The following PSMG2 variants were observed in gnomAD, a reference collection of about 807,000 sequenced individuals.
The protein encoded by PSMG2 is proteasome assembly chaperone 2.
Under a neutral mutation model 31.5 loss-of-function variants are expected in PSMG2, and 21 were observed. The ratio of observed to expected loss-of-function variants is 0.67; its 90% CI spans 0.47 to 0.96. PSMG2 has a LOEUF of 0.96. Ranked by LOEUF, PSMG2 falls within the 40% of genes least tolerant of loss-of-function variation. The probability of loss-of-function intolerance (pLI) is 0.00; values close to 1 mark genes in which losing one functional copy is unlikely to be tolerated. For synonymous variants in PSMG2, 120 were observed against 110.4 expected, an observed-to-expected ratio of 1.09 and a Z score of -0.54; for missense variants, 318 against 321.2, an observed-to-expected ratio of 0.99 and a Z score of 0.08.
intron 2 of PSMG2, 109 bp downstream of exon 2, chr18:12,706,830 C>T: frequency 8.6e-7 from 1 of 1,165,796 alleles, no homozygotes; most frequent in Non-Finnish European, 1.2e-6. Flanking sequence ...TTAGTGCCAA[C>T]TTTGTGTAGA....
chr18:12,693,204 G>T (rs945517042), intron 1 of PSMG2, among the ~76,000 whole-genome samples: 3 of 152,108 alleles, frequency 2.0e-5, no homozygotes, highest in Admixed American at 2.0e-4. Context: ...TTAGTCACTA[G>T]AAATTATAAA....
At chr18:12,693,194 T>G (rs529599254) in intron 1 of PSMG2, among the ~76,000 whole-genome samples, 1 of 152,282 alleles carries the variant, frequency 6.6e-6, no homozygotes, top group South Asian at 2.1e-4. Context: ...AACTTATGTT[T>G]TAGTCACTAG....
At chr18:12,689,764 TTA>T (rs146278847) in intron 1 of PSMG2, among the ~76,000 whole-genome samples, 5 of 150,758 alleles carry the variant, frequency 3.3e-5, no homozygotes, top group African/African-American at 7.3e-5. Flanking sequence ...GGGAGCCAGT[TTA>T]TATATATATA....
chr18:12,696,736 G>A (rs1241875864), intron 1 of PSMG2, among the ~76,000 whole-genome samples: 1 of 152,020 alleles, frequency 6.6e-6, no homozygotes, highest in African/African-American at 2.4e-5. Context: ...TGCCCTCAAG[G>A]ACTAGTTGAT....
intron 1 of PSMG2, chr18:12,661,318 G>GA (rs965185754): frequency 1.5e-5 from 15 of 972,938 alleles, no homozygotes; most frequent in Non-Finnish European, 1.8e-5. Context: ...CAAAAAAGAA[G>GA]AAAAAAAATT....
chr18:12,725,363 G>T, intron 6 of PSMG2, 76 bp from the exon 7 acceptor site: 1 of 1,168,438 alleles, frequency 8.6e-7, no homozygotes. Context: ...CACAAAAGGA[G>T]AGTTTTATAA....
chr18:12,714,302 C>T (rs983945759), intron 3 of PSMG2, among the ~76,000 whole-genome samples: 8 of 152,166 alleles, frequency 5.3e-5, no homozygotes, highest in African/African-American at 1.4e-4. Flanking sequence ...TGCTGCTTTG[C>T]AGAGCCTAAC....
intron 1 of PSMG2, among the ~76,000 whole-genome samples, chr18:12,703,937 C>T (rs1448622809): frequency 1.3e-5 from 2 of 152,094 alleles, no homozygotes; most frequent in African/African-American, 4.8e-5. Context: ...TTTGGAATGA[C>T]ACATTGAGAG....
chr18:12,713,579 G>A (rs1181957087), intron 3 of PSMG2, among the ~76,000 whole-genome samples: 5 of 152,134 alleles, frequency 3.3e-5, no homozygotes, highest in African/African-American at 1.2e-4. Flanking sequence ...GCCAATTCAG[G>A]GGAATGAGTA....
chr18:12,710,806 AAG>A (rs1176866540), intron 2 of PSMG2, among the ~76,000 whole-genome samples: 1 of 152,196 alleles, frequency 6.6e-6, no homozygotes. Flanking sequence ...TAACAACAAA[AAG>A]AATTGCATAG....
At chr18:12,720,940 C>T (rs1033579359) in intron 5 of PSMG2, among the ~76,000 whole-genome samples, 19 of 152,032 alleles carry the variant, frequency 1.2e-4, no homozygotes, top group African/African-American at 2.4e-5. Context: ...CCGAGGCAGG[C>T]GGATCACGAG....
upstream of PSMG2, chr18:12,700,893 T>C (rs1239562632): frequency 1.5e-6 from 2 of 1,342,888 alleles, no homozygotes; most frequent in Non-Finnish European, 2.1e-6. Flanking sequence ...CGGAACCTTA[T>C]AAGTAGTGTT....
rs2040457935 is a variant in PSMG2 at position 12,724,524 on chromosome 18, G to A, written c.607G>A (p.Val203Ile). The A allele has an allele frequency of 1.2e-6, 2 of 1,605,900 alleles. No individual in the cohort carries two copies. Among genetic ancestry groups the A allele is most frequent in the Admixed American group, 3.4e-5 (2 of 58,372 alleles). The change falls in exon 6 of 7, where the codon GTT (valine) becomes ATT (isoleucine). Residue 203 changes from valine (V) to isoleucine (I), a missense_variant. Physicochemically the swap from Val to Ile is conservative, Grantham distance 29. Transcript: ENST00000317615. ...ESCSKEIQMA[V>I]LLKFVSEGDN... ...CTGTTCTAAAGAAATCCAAATGGCA[G>A]TTCTGCTGAAATTTGTTTCAGAAGG...
intron 1 of PSMG2, chr18:12,674,398 T>C (rs1467765481): frequency 9.6e-6 from 6 of 623,736 alleles, no homozygotes; most frequent in Non-Finnish European, 1.1e-5. Flanking sequence ...GCCATAACTG[T>C]GCCACTGTAC....
rs142910283 is a variant in PSMG2 at position 12,705,545 on chromosome 18, AAGAGAGAGAG to A, written c.58-982_58-973del. Among the ~76,000 whole-genome samples, 604 of 137,866 alleles carry A rather than the reference AAGAGAGAGAG, an allele frequency of 4.4e-3. 3 individuals are homozygous for A. The highest frequency in any genetic ancestry group is 9.1e-3 in the African/African-American group (332 of 36,340). 90.4% of individuals were successfully genotyped at this position (137,866 alleles called of 152,430 possible). A position where few individuals can be genotyped will look rare whatever the true frequency, so the allele number is the denominator to read the frequency against. On this transcript the variant is annotated intron_variant, in intron 1 of 6. Coordinates refer to ENST00000317615, the MANE Select transcript of PSMG2 (RefSeq NM_020232.5). ...CTTCATTATTTTAAGTCATGGGAAA[AAGAGAGAGAG>A]AGAGAGAGAGAGAGAGAGAGAGTGT...
intron 1 of PSMG2, among the ~76,000 whole-genome samples, chr18:12,694,120 A>T (rs1171021207): frequency 1.3e-5 from 2 of 152,226 alleles, no homozygotes; most frequent in Non-Finnish European, 1.5e-5. Flanking sequence ...TATTTGAGTA[A>T]CATCAAAGTT....
At chr18:12,672,649 A>T (rs921586744) in intron 1 of PSMG2, 1 of 982,642 alleles carries the variant, frequency 1.0e-6, no homozygotes, top group East Asian at 1.1e-4. Flanking sequence ...CAAGATCACA[A>T]TTTATCAGTA....
chr18:12,699,039 A>G (rs2040058471), upstream of PSMG2: 2 of 1,614,098 alleles, frequency 1.2e-6, no homozygotes, highest in Non-Finnish European at 8.5e-7. Flanking sequence ...TCACAGGCAC[A>G]TGGAACAGGT....
rs2040420617 is a variant in PSMG2, at chr18:12,720,496, A to G, written c.408-14A>G. The G allele has an allele frequency of 1.9e-6, 3 of 1,554,866 alleles. No homozygotes were observed. Among genetic ancestry groups the G allele is most frequent in the Admixed American group, 2.1e-5 (1 of 47,432 alleles). On this transcript the variant is annotated splice_polypyrimidine_tract_variant and intron_variant, in intron 4 of 6. Transcript: ENST00000317615. ...TTAGAGTTTTTAAAAAGTTAACTAT[A>G]TGATTATTTCTAGTACTCCCTTCCG...
Sources: gnomAD v4.1 joint callset for allele counts (sites outside exome capture counted in the v4.1 genomes callset) on GRCh38, gnomAD v4.1.1 for gene constraint, MANE v1.5 for transcripts, NCBI Gene and HGNC (gene_info 2026-07-23, HGNC 2026-07-21) for gene names.